GK5: variants seen among roughly 807,000 people sequenced by gnomAD.
The protein encoded by GK5 is glycerol kinase 5, also known as ATP:glycerol 3-phosphotransferase 5.
GK5 carries 39 observed loss-of-function variants against 77.3 expected under a neutral mutation model. That is an observed-to-expected ratio of 0.50 (90% CI 0.39 to 0.66). The LOEUF (loss-of-function observed/expected upper bound fraction) is 0.66. GK5 is among the 30% of genes least tolerant of loss of function. The probability of loss-of-function intolerance (pLI) is 0.00; values close to 1 mark genes in which losing one functional copy is unlikely to be tolerated. For synonymous variants in GK5, 211 were observed against 208.0 expected (o/e 1.01, Z -0.13); for missense variants, 487 against 633.8 (o/e 0.77, Z 2.49).
Position 142,186,461 on chromosome 3 carries a change from G to T in GK5, c.672C>A (p.Asp224Glu). Residue 224 changes from aspartate (D) to glutamate (E), a missense_variant, in exon 7 of 16, where the codon GAC (aspartate) becomes GAA (glutamate). Asp to Glu is a conservative substitution (Grantham distance 45). This residue lies in a region of GK5 where 323 missense variants were observed against 437.4 expected (regional missense o/e 0.74). Transcript: ENST00000392993. ...AAAAAAAAATTTTTACCTTATATGG[G>T]TCAAAAAGTCCAGTTGTACTAGCAT... ...FSNASTTGLF[D>E]PYKMCWSGMI... The T allele has an allele frequency of 6.4e-7, 1 of 1,552,138 alleles. No individual in the cohort carries two copies. Among genetic ancestry groups the T allele is most frequent in the Non-Finnish European group, 8.7e-7 (1 of 1,145,282 alleles).
chr3:142,193,759 T>C (rs1421171429), intron 5 of GK5, among the ~76,000 whole-genome samples: 2 of 152,138 alleles, frequency 1.3e-5, no homozygotes, highest in Non-Finnish European at 2.9e-5. Context: ...TGTGTGTGGG[T>C]AGACAGCATC....
chr3:142,204,360 C>G, intron 4 of GK5: 1 of 347,896 alleles, frequency 2.9e-6, no homozygotes, highest in Non-Finnish European at 5.5e-6. Flanking sequence ...TATAATATCT[C>G]AATATCCATC....
At position 142,165,105 on chromosome 3, in the gene GK5, G is replaced by T. The variant is rs2063459307; in HGVS notation, c.*517C>A. 1 of 152,586 alleles carries T rather than the reference G, an allele frequency of 6.6e-6. No homozygotes were observed. Among genetic ancestry groups the T allele is most frequent in the South Asian group, 2.1e-4 (1 of 4,834 alleles). The allele number at this position is 152,586 out of a possible 1,614,324, so 9.5% of individuals were successfully genotyped here. On this transcript the variant is annotated 3_prime_UTR_variant, in exon 16 of 16. Transcript: ENST00000392993. ...AAGCTCATATTTGGATATAATATTA[G>T]GAAATTATGGCTTTAAACATAAAAT...
At chr3:142,186,420 G>T (rs758288452) in intron 7 of GK5, 32 bp downstream of exon 7, 13 of 1,245,010 alleles carry the variant, frequency 1.0e-5, no homozygotes, top group Non-Finnish European at 1.5e-5. Flanking sequence ...ACAAAAATGT[G>T]TGATTCAAAA....
chr3:142,193,205 T>C (rs2063879278), intron 5 of GK5, among the ~76,000 whole-genome samples: 1 of 152,246 alleles, frequency 6.6e-6, no homozygotes, highest in African/African-American at 2.4e-5. Flanking sequence ...ATGGAAACTA[T>C]ATTTACTGCT....
intron 3 of GK5, among the ~76,000 whole-genome samples, chr3:142,206,125 A>G (rs2064102712): frequency 6.6e-6 from 1 of 152,220 alleles, no homozygotes; most frequent in African/African-American, 2.4e-5. Flanking sequence ...CAATATTTCA[A>G]CGTATTTATA....
At chr3:142,170,483 T>C (rs1174498340) in intron 14 of GK5, 25 bp from the exon 15 acceptor site, 3 of 1,573,902 alleles carry the variant, frequency 1.9e-6, no homozygotes, top group African/African-American at 1.4e-5. Context: ...ATATGTAAGA[T>C]GAATTACTAC....
chr3:142,202,776 A>T (rs1217446671), intron 4 of GK5, among the ~76,000 whole-genome samples: 1 of 152,078 alleles, frequency 6.6e-6, no homozygotes, highest in Non-Finnish European at 1.5e-5. Flanking sequence ...GACCAACATG[A>T]TGAAACCCTG....
At position 142,170,357 on chromosome 3, in the gene GK5, A is replaced by G. The variant is rs2063521310; in HGVS notation, c.1409T>C (p.Leu470Pro). 1.2e-6 allele frequency: 2 copies of G among 1,614,016 alleles called. No homozygotes were observed. The highest frequency in any genetic ancestry group is 2.7e-5 in the African/African-American group (2 of 74,946). Residue 470 changes from leucine to proline, a missense_variant, in exon 15 of 16, where the codon CTG (leucine) becomes CCG (proline). Coordinates refer to ENST00000392993, the MANE Select transcript of GK5 (RefSeq NM_001039547.3). Reference protein sequence around the residue: ...DRPADIDMSCLGAASLAGLAV... With the variant: ...DRPADIDMSCPGAASLAGLAV... The stretch of plus-strand genomic sequence containing the variant: ...AAGGCCAGCTAGAGAAGCTGCACCC[A>G]GGCATGACATGTCAATGTCGGCAGG...
At position 142,162,839 on chromosome 3, in the gene GK5, T is replaced by C. The variant is rs919051218; in HGVS notation, c.*2783A>G. 7 of 151,738 alleles carry C rather than the reference T, an allele frequency of 4.6e-5. No homozygotes were observed. The highest frequency in any genetic ancestry group is 8.8e-5 in the Non-Finnish European group (6 of 67,990). The allele number at this position is 151,738 out of a possible 1,614,324, so 9.4% of individuals were successfully genotyped here. A position where few individuals can be genotyped will look rare whatever the true frequency, so the allele number is the denominator to read the frequency against. Reference sequence around the variant, plus strand: ...GGTAAAACCCTGTCTCTACTAAAAATACAAAAATCAGCTGGGCGTAGTGAC... The same window carrying C: ...GGTAAAACCCTGTCTCTACTAAAAACACAAAAATCAGCTGGGCGTAGTGAC... On this transcript the variant is annotated 3_prime_UTR_variant, in exon 16 of 16. Transcript: ENST00000392993.
At chr3:142,179,592 G>A (rs2063666045) in intron 11 of GK5, among the ~76,000 whole-genome samples, 1 of 152,178 alleles carries the variant, frequency 6.6e-6, no homozygotes, top group South Asian at 2.1e-4. Context: ...AAGATAAGAT[G>A]TAGGAAAACA....
intron 1 of GK5, among the ~76,000 whole-genome samples, chr3:142,222,077 ACAAT>A (rs2064356749): frequency 6.6e-6 from 1 of 152,208 alleles, no homozygotes; most frequent in Non-Finnish European, 1.5e-5. Context: ...CAGAATAAAC[ACAAT>A]CAAGTTCTGT....
intron 3 of GK5, among the ~76,000 whole-genome samples, chr3:142,206,363 T>C (rs2064107184): frequency 6.6e-6 from 1 of 152,234 alleles, no homozygotes; most frequent in South Asian, 2.1e-4. Flanking sequence ...CGTTGCACCA[T>C]TTTACATTTC....
chr3:142,173,052 A>T, intron 12 of GK5: 1 of 283,808 alleles, frequency 3.5e-6, no homozygotes, highest in South Asian at 3.4e-5. Context: ...AAAACTTTAA[A>T]TATTAGCTGG....
intron 15 of GK5, among the ~76,000 whole-genome samples, chr3:142,167,934 C>T (rs1029547858): frequency 1.3e-5 from 2 of 152,156 alleles, no homozygotes; most frequent in South Asian, 2.1e-4. Flanking sequence ...ATCGCTTGAA[C>T]CTGGGAGGAG....
At chr3:142,188,716 C>T (rs2063808629) in intron 5 of GK5, among the ~76,000 whole-genome samples, 1 of 152,134 alleles carries the variant, frequency 6.6e-6, no homozygotes. Context: ...TTTCAGTGTC[C>T]ATAAGTAAAG....
chr3:142,183,105 A>G, intron 9 of GK5, 56 bp from the exon 10 acceptor site: 1 of 1,519,804 alleles, frequency 6.6e-7, no homozygotes, highest in African/African-American at 1.4e-5. Flanking sequence ...CAATTTTATT[A>G]TAGAGCATTG....
intron 9 of GK5, chr3:142,185,383 A>G (rs893191786): frequency 1.4e-4 from 87 of 614,118 alleles, no homozygotes; most frequent in Non-Finnish European, 1.7e-4. Context: ...ACTGCACTCC[A>G]GCCTGAGTGA....
At chr3:142,183,119 C>T (rs1384247429) in intron 9 of GK5, 70 bp from the exon 10 acceptor site, 16 of 1,354,408 alleles carry the variant, frequency 1.2e-5, no homozygotes, top group Non-Finnish European at 1.7e-5. Flanking sequence ...AGCATTGTCT[C>T]ACTTATTGTA....
Sources: gnomAD v4.1 joint callset for allele counts (sites outside exome capture counted in the v4.1 genomes callset) on GRCh38, gnomAD v4.1.1 for gene constraint, gnomAD v4.1.1 regional missense constraint, MANE v1.5 for transcripts, NCBI Gene and HGNC (gene_info 2026-07-23, HGNC 2026-07-21) for gene names.